PACRG: variants seen among roughly 807,000 people sequenced by gnomAD.
PACRG encodes parkin coregulated gene protein.
In PACRG, 29 loss-of-function variants were observed where a neutral mutation model predicts 29.7. That is an observed-to-expected ratio of 0.98 (90% CI 0.73 to 1.33). The LOEUF (loss-of-function observed/expected upper bound fraction) is 1.33, where lower values mean the gene tolerates loss of function less well. PACRG is among the 40% of genes most tolerant of loss of function. The probability of loss-of-function intolerance (pLI) is 0.00; values close to 1 mark genes in which losing one functional copy is unlikely to be tolerated. For missense variants in PACRG, 279 were observed against 316.2 expected (o/e 0.88, Z 0.89); for synonymous variants, 116 against 118.7 (o/e 0.98, Z 0.15).
intron 4 of PACRG, among the ~76,000 whole-genome samples, chr6:163,260,915 C>T (rs76213993): frequency 0.013 from 1,926 of 152,190 alleles, 39 homozygotes; most frequent in African/African-American, 0.045. Context: ...AAGGTAGATG[C>T]TATTCGAATC....
intron 2 of PACRG, among the ~76,000 whole-genome samples, chr6:162,900,564 G>A (rs1436950133): frequency 1.3e-5 from 2 of 152,070 alleles, no homozygotes; most frequent in Non-Finnish European, 2.9e-5. Flanking sequence ...TGGCTTCCAC[G>A]GCATCTCTTT....
intron 4 of PACRG, among the ~76,000 whole-genome samples, chr6:163,116,362 G>C (rs1815993245): frequency 6.6e-6 from 1 of 152,164 alleles, no homozygotes; most frequent in African/African-American, 2.4e-5. Context: ...CCGCAGCCAT[G>C]ATCCAATCAC....
chr6:163,313,818 A>G (rs1785536093), intron 4 of PACRG: 1 of 152,204 alleles, frequency 6.6e-6, no homozygotes, highest in Non-Finnish European at 1.5e-5. Context: ...TTGCTGGGAG[A>G]ATAAATGTCG....
chr6:162,956,126 G>A (rs765917294), intron 2 of PACRG, among the ~76,000 whole-genome samples: 1 of 152,318 alleles, frequency 6.6e-6, no homozygotes, highest in East Asian at 1.9e-4. Flanking sequence ...TAAGGTGGAA[G>A]ATCAAGTGCA....
chr6:162,759,758 A>G (rs1237018053), intron 1 of PACRG, among the ~76,000 whole-genome samples: 4 of 152,144 alleles, frequency 2.6e-5, no homozygotes, highest in Admixed American at 6.5e-5. Context: ...TTATATAGGA[A>G]CTATTATTTT....
chr6:162,825,499 A>C (rs1788199078), intron 2 of PACRG, among the ~76,000 whole-genome samples: 1 of 152,180 alleles, frequency 6.6e-6, no homozygotes, highest in African/African-American at 2.4e-5. Context: ...AATCTACTGT[A>C]TAATTTGTTG....
chr6:163,201,758 A>G (rs1354599958), intron 4 of PACRG, among the ~76,000 whole-genome samples: 1 of 152,176 alleles, frequency 6.6e-6, no homozygotes, highest in Non-Finnish European at 1.5e-5. Flanking sequence ...ACATGGTAAG[A>G]GCATGGTGAC....
intron 2 of PACRG, among the ~76,000 whole-genome samples, chr6:163,042,183 C>T (rs114002126): frequency 3.7e-4 from 57 of 152,138 alleles, no homozygotes; most frequent in African/African-American, 1.3e-3. Flanking sequence ...GCAGCTGGAA[C>T]GTGGTGGCAT....
At position 162,892,346 on chromosome 6, in the gene PACRG, C is replaced by G. The variant is rs144981218; in HGVS notation, c.291+78065C>G. ...ACTTTGGTCTCCTCCTGGTCACACG[C>G]TTGACTAAGACACGTTGTTCACTGA... On this transcript the variant is annotated intron_variant, in intron 2 of 4. Transcript: ENST00000366888. Among the ~76,000 whole-genome samples the G allele has an allele frequency of 8.3e-4, 126 of 152,330 alleles. 1 individual carries two copies. The East Asian group carries it at 0.021, about 26-fold the overall frequency.
intron 2 of PACRG, among the ~76,000 whole-genome samples, chr6:162,875,470 C>A (rs760300407): frequency 6.6e-6 from 1 of 152,248 alleles, no homozygotes; most frequent in Non-Finnish European, 1.5e-5. Context: ...CATTCACACA[C>A]ACATGCTTCC....
At chr6:162,895,590 T>G (rs11961432) in intron 2 of PACRG, among the ~76,000 whole-genome samples, 9,091 of 152,324 alleles carry the variant, frequency 0.06, 897 homozygotes, top group African/African-American at 0.21. Flanking sequence ...CAGTAATGCC[T>G]AACACTAAAC....
chr6:163,010,836 A>G (rs117436165), intron 2 of PACRG, among the ~76,000 whole-genome samples: 5,295 of 152,320 alleles, frequency 0.035, 132 homozygotes, highest in Middle Eastern at 0.054. Flanking sequence ...TGGAGGAGAC[A>G]AAAGTAAACA....
At chr6:163,131,103 C>A (rs934830446) in intron 4 of PACRG, among the ~76,000 whole-genome samples, 1 of 151,860 alleles carries the variant, frequency 6.6e-6, no homozygotes. Context: ...GTCAGGAGAT[C>A]GAGACCATCC....
In PACRG at chr6:163,081,650, G is replaced by A. The variant is rs1780204656; in HGVS notation, c.464-7609G>A. Among the ~76,000 whole-genome samples the A allele has an allele frequency of 2.0e-5, 3 of 152,258 alleles. No individual in the cohort carries two copies. The South Asian group carries it at 6.2e-4, about 32-fold the overall frequency. On this transcript the variant is annotated intron_variant, in intron 3 of 4. Transcript: ENST00000366888. ...GTGTGCCTGTAGTTCCAGCTACTCA[G>A]GAGGCTGAGGTGACAGGATCACTTA... is the stretch of plus-strand genomic sequence containing the variant.
intron 1 of PACRG, among the ~76,000 whole-genome samples, chr6:162,806,269 C>G (rs1786318834): frequency 6.6e-6 from 1 of 151,884 alleles, no homozygotes; most frequent in African/African-American, 2.4e-5. Flanking sequence ...CCACCACGCC[C>G]AGCTAATTTT....
rs142049044 is a variant in PACRG at position 163,297,978 on chromosome 6, C to G, written c.614-16849C>G. Among the ~76,000 whole-genome samples, 35 of 152,272 alleles carry G rather than the reference C, an allele frequency of 2.3e-4. No homozygotes were observed. In the South Asian group the frequency reaches 2.5e-3, roughly 11 times the overall value. ...ATTGCTTAACACAATCCCTCCAATT[C>G]TTCGGTGCCCAAGGTGGTGGCCCGG... is the stretch of plus-strand genomic sequence containing the variant. On this transcript the variant is annotated intron_variant, in intron 4 of 4. Transcript: ENST00000366888.
intron 2 of PACRG, among the ~76,000 whole-genome samples, chr6:162,872,334 A>C (rs1045091198): frequency 6.6e-6 from 1 of 152,248 alleles, no homozygotes; most frequent in African/African-American, 2.4e-5. Flanking sequence ...AAATATCTTC[A>C]TTCTGTAAAT....
At chr6:163,253,330 A>AAATC (rs1364364005) in intron 4 of PACRG, among the ~76,000 whole-genome samples, 2 of 151,784 alleles carry the variant, frequency 1.3e-5, no homozygotes, top group Non-Finnish European at 2.9e-5. Flanking sequence ...AGAAAGAAAG[A>AAATC]AATCAGAAAA....
In PACRG at chr6:163,225,871, A is replaced by G. The variant is rs58189950; in HGVS notation, c.614-88956A>G. On this transcript the variant is annotated intron_variant, in intron 4 of 4. Coordinates refer to ENST00000366888, the MANE Select transcript of PACRG (RefSeq NM_001080379.2). The stretch of plus-strand genomic sequence containing the variant: ...TGGTACATATACACAATGGAATACT[A>G]TTCAGCCTTTAAAAAGAAGGAAATT... 2.7e-3 allele frequency among the ~76,000 whole-genome samples: 411 copies of G among 152,318 alleles called. 3 individuals are homozygous for G. Among genetic ancestry groups the G allele is most frequent in the African/African-American group, 9.5e-3 (395 of 41,574 alleles).
Sources: allele counts gnomAD v4.1 joint callset (sites outside exome capture counted in the v4.1 genomes callset), GRCh38; gene constraint gnomAD v4.1.1; transcripts MANE v1.5; gene names NCBI Gene and HGNC (gene_info 2026-07-23, HGNC 2026-07-21).